PCDH15: variants seen among roughly 807,000 people sequenced by gnomAD.
PCDH15 encodes the protein protocadherin-15.
Under a neutral mutation model 178.5 loss-of-function variants are expected in PCDH15, and 129 were observed. The ratio of observed to expected loss-of-function variants is 0.72; its 90% CI spans 0.63 to 0.84. The LOEUF (loss-of-function observed/expected upper bound fraction) is 0.84, where lower values mean the gene tolerates loss of function less well. Among genes scored for constraint, PCDH15 ranks in the 40% least tolerant of loss-of-function variants. The pLI, the probability that PCDH15 is intolerant of heterozygous loss-of-function variation, is 0.00. For synonymous variants in PCDH15, 800 were observed against 732.0 expected (o/e 1.09, Z -1.50); for missense variants, 2,230 against 2,099.9 (o/e 1.06, Z -1.21).
At chr10:54,227,182 A>G (rs1381347155) in intron 9 of PCDH15, among the ~76,000 whole-genome samples, 2 of 152,154 alleles carry the variant, frequency 1.3e-5, no homozygotes, top group African/African-American at 4.8e-5. Context: ...TCCCTCCTGC[A>G]CTGCACTAGT....
At chr10:55,178,270 A>G (rs1051396988) in intron 1 of PCDH15, among the ~76,000 whole-genome samples, 1 of 152,170 alleles carries the variant, frequency 6.6e-6, no homozygotes, top group Non-Finnish European at 1.5e-5. Flanking sequence ...CTAAATTGGC[A>G]GTGAGAGTTC....
At chr10:54,197,286 T>A (rs10825270) in intron 10 of PCDH15, among the ~76,000 whole-genome samples, 33,971 of 151,776 alleles carry the variant, frequency 0.22, 5,735 homozygotes, top group African/African-American at 0.48. Flanking sequence ...ATGCTGCACA[T>A]AGGAAAATAC....
At chr10:55,573,502 T>C (rs771628676) in intron 2 of PCDH15, among the ~76,000 whole-genome samples, 1 of 152,128 alleles carries the variant, frequency 6.6e-6, no homozygotes, top group Non-Finnish European at 1.5e-5. Flanking sequence ...ATTTCTTTAT[T>C]GTATATTAGG....
intron 2 of PCDH15, among the ~76,000 whole-genome samples, chr10:55,162,091 G>C (rs116857356): frequency 6.6e-6 from 1 of 152,076 alleles, no homozygotes; most frequent in South Asian, 2.1e-4. Flanking sequence ...TGTACTTGAG[G>C]GAGAATCTAT....
chr10:54,821,812 T>C (rs1564538851), intron 3 of PCDH15, among the ~76,000 whole-genome samples: 1 of 152,146 alleles, frequency 6.6e-6, no homozygotes, highest in Non-Finnish European at 1.5e-5. Context: ...AAGTTTCATT[T>C]TGTAGGAACT....
At chr10:53,972,545 A>C (rs1427084092) in intron 21 of PCDH15, among the ~76,000 whole-genome samples, 1 of 152,218 alleles carries the variant, frequency 6.6e-6, no homozygotes, top group East Asian at 1.9e-4. Flanking sequence ...CCCATCTGAC[A>C]AAAGGGCTAA....
intron 21 of PCDH15, among the ~76,000 whole-genome samples, chr10:53,979,469 G>A (rs1278267877): frequency 6.6e-6 from 1 of 152,194 alleles, no homozygotes; most frequent in African/African-American, 2.4e-5. Context: ...TGAGGACACA[G>A]CAAAACCATA....
At chr10:54,704,213 A>G (rs1023070013) in intron 1 of PCDH15, among the ~76,000 whole-genome samples, 6 of 152,162 alleles carry the variant, frequency 3.9e-5, no homozygotes, top group African/African-American at 1.4e-4. Context: ...TGAAGATGCC[A>G]AAAGCAATTG....
Position 54,933,689 on chromosome 10 carries a change from G to A in PCDH15, c.-79-36189C>T, listed in dbSNP as rs1192435302. On this transcript the variant is annotated intron_variant, in intron 2 of 5. Transcript: ENST00000458638. ...CCTTGATAAAATTCCTTAAAAAGCTGGCCTTTTTTAAACCCATGCACCTTA... is the reference window on the plus strand; with the variant it reads ...CCTTGATAAAATTCCTTAAAAAGCTAGCCTTTTTTAAACCCATGCACCTTA... Among the ~76,000 whole-genome samples the A allele has an allele frequency of 2.0e-5, 3 of 151,742 alleles. 1 individual carries two copies. Among genetic ancestry groups the A allele is most frequent in the African/African-American group, 7.3e-5 (3 of 41,302 alleles).
chr10:54,212,752 G>C (rs902350244), intron 10 of PCDH15, among the ~76,000 whole-genome samples: 15 of 152,058 alleles, frequency 9.9e-5, no homozygotes, highest in Admixed American at 2.6e-4. Flanking sequence ...CTGTGCTAAG[G>C]ACATATCTAT....
intron 2 of PCDH15, among the ~76,000 whole-genome samples, chr10:55,555,321 G>T (rs2132092212): frequency 6.6e-6 from 1 of 152,208 alleles, no homozygotes; most frequent in Middle Eastern, 3.4e-3. Flanking sequence ...AAGCTCATCA[G>T]TAGAGCTGAG....
At position 54,236,849 on chromosome 10, in the gene PCDH15, G is replaced by C; in HGVS notation, c.959C>G (p.Pro320Arg). 2 of 1,613,234 alleles carry C rather than the reference G, an allele frequency of 1.2e-6. No individual in the cohort carries two copies. Among genetic ancestry groups the C allele is most frequent in the Non-Finnish European group, 1.7e-6 (2 of 1,179,308 alleles). Residue 320 changes from proline to arginine, a missense_variant, in exon 9 of 38, where the codon CCA (proline) becomes CGA (arginine). Coordinates refer to ENST00000644397, the MANE Select transcript of PCDH15 (RefSeq NM_001384140.1). Reference sequence around the variant, plus strand: ...AACAAGGATGGAATAGAGGATTCCTGGCCTATCTGATGGCGGTTGAATATT... The same window carrying C: ...AACAAGGATGGAATAGAGGATTCCTCGCCTATCTGATGGCGGTTGAATATT... ...DRNIQPPSDR[P>R]GILYSILVGT...
At chr10:53,824,464 G>T (rs542646562) in intron 32 of PCDH15, among the ~76,000 whole-genome samples, 5 of 152,072 alleles carry the variant, frequency 3.3e-5, no homozygotes, top group Non-Finnish European at 7.4e-5. Context: ...GAAAAATTAG[G>T]GTGATAGTTT....
At chr10:55,426,032 A>G (rs964836556) in intron 2 of PCDH15, among the ~76,000 whole-genome samples, 5 of 152,214 alleles carry the variant, frequency 3.3e-5, no homozygotes, top group South Asian at 2.1e-4. Context: ...ATAAACCTAC[A>G]CATGGTAAGA....
intron 8 of PCDH15, among the ~76,000 whole-genome samples, chr10:54,266,609 CA>C (rs1269085392): frequency 6.6e-6 from 1 of 151,680 alleles, no homozygotes. Context: ...TCAGCAATAA[CA>C]AAGGCAACAT....
intron 2 of PCDH15, among the ~76,000 whole-genome samples, chr10:54,958,109 C>T (rs1310272365): frequency 6.6e-6 from 1 of 151,810 alleles, no homozygotes; most frequent in Non-Finnish European, 1.5e-5. Context: ...TATCACTTCT[C>T]TAAAACTTTA....
chr10:55,390,559 G>A (rs1434853264), intron 2 of PCDH15, among the ~76,000 whole-genome samples: 4 of 152,102 alleles, frequency 2.6e-5, no homozygotes, highest in African/African-American at 9.7e-5. Context: ...GACTATACTT[G>A]ATAGCATCTA....
intron 28 of PCDH15, among the ~76,000 whole-genome samples, chr10:53,841,252 T>C (rs1217797450): frequency 6.6e-6 from 1 of 152,144 alleles, no homozygotes; most frequent in Non-Finnish European, 1.5e-5. Flanking sequence ...AACCCAAGTA[T>C]ATAAATATTA....
chr10:54,339,136 G>T (rs1216602923), intron 6 of PCDH15, among the ~76,000 whole-genome samples: 1 of 152,138 alleles, frequency 6.6e-6, no homozygotes, highest in Admixed American at 6.6e-5. Flanking sequence ...TCTGAATGTG[G>T]CCCAACACAA....
Sources: allele counts gnomAD v4.1 joint callset (sites outside exome capture counted in the v4.1 genomes callset), GRCh38; gene constraint gnomAD v4.1.1; transcripts MANE v1.5; gene names NCBI Gene and HGNC (gene_info 2026-07-23, HGNC 2026-07-21).